ITSN1: variants seen among roughly 807,000 people sequenced by gnomAD.
ITSN1 encodes intersectin-1.
In ITSN1, 58 loss-of-function variants were observed where a neutral mutation model predicts 239.8. That is an observed-to-expected ratio of 0.24 (90% CI 0.20 to 0.30). The LOEUF (loss-of-function observed/expected upper bound fraction) is 0.30, where lower values mean the gene tolerates loss of function less well. Ranked by LOEUF, ITSN1 falls within the 10% of genes least tolerant of loss-of-function variation. The pLI, the probability that ITSN1 is intolerant of heterozygous loss-of-function variation, is 1.00. For missense variants in ITSN1, 1,558 were observed against 2,103.3 expected (o/e 0.74, Z 5.07); for synonymous variants, 780 against 770.8 (o/e 1.01, Z -0.20).
intron 1 of ITSN1, among the ~76,000 whole-genome samples, chr21:33,682,282 C>G (rs8130813): frequency 0.038 from 5,665 of 150,200 alleles, 362 homozygotes; most frequent in African/African-American, 0.13. Context: ...ATGGCGCAAT[C>G]TCAGCTCACC....
intron 4 of ITSN1, among the ~76,000 whole-genome samples, chr21:33,724,112 T>TG (rs1191559826): frequency 1.3e-5 from 2 of 151,904 alleles, no homozygotes; most frequent in African/African-American, 4.8e-5. Flanking sequence ...TGTGTGTGTG[T>TG]GTGTATTTGG....
intron 1 of ITSN1, among the ~76,000 whole-genome samples, chr21:33,655,633 A>G (rs542875533): frequency 2.0e-4 from 28 of 140,630 alleles, no homozygotes; most frequent in Non-Finnish European, 3.5e-4. Context: ...GGGTTTCGCC[A>G]TGTTGGCTAG....
intron 22 of ITSN1, chr21:33,818,008 T>C (rs2073403195): frequency 1.8e-5 from 9 of 493,392 alleles, no homozygotes; most frequent in Non-Finnish European, 2.8e-5. Flanking sequence ...ACCTCCTGGC[T>C]TTTTGAAATA....
At chr21:33,681,915 G>A (rs1057506723) in intron 1 of ITSN1, among the ~76,000 whole-genome samples, 5 of 151,676 alleles carry the variant, frequency 3.3e-5, no homozygotes, top group Non-Finnish European at 5.9e-5. Flanking sequence ...TGATCCACCC[G>A]TCTCGGCCTC....
intron 14 of ITSN1, among the ~76,000 whole-genome samples, chr21:33,780,880 G>C (rs577193155): frequency 6.6e-6 from 1 of 152,234 alleles, no homozygotes; most frequent in Non-Finnish European, 1.5e-5. Context: ...TCTTGTGTCA[G>C]TTAAAAAAAT....
rs1047942852 is a variant in ITSN1 at position 33,895,755 on chromosome 21, A to G, written c.*7455A>G. The G allele has an allele frequency of 3.3e-5, 5 of 152,398 alleles. No individual in the cohort carries two copies. The highest frequency in any genetic ancestry group is 9.6e-5 in the African/African-American group (4 of 41,550). 9.4% of individuals were successfully genotyped at this position (152,398 alleles called of 1,614,324 possible). ...CATGCGTGTGTACCTACCCACACCT[A>G]GGGGGATGCATGGCTCTGTGCCTTG... On this transcript the variant is annotated 3_prime_UTR_variant, in exon 40 of 40. Coordinates refer to ENST00000381318, the MANE Select transcript of ITSN1 (RefSeq NM_003024.3).
At position 33,751,898 on chromosome 21, in the gene ITSN1, T is replaced by A; in HGVS notation, c.615T>A (p.Asp205Glu). ...AATTACAAAAGGCACAGTCATTTGA[T>A]GTGGCCAGGTAAGTTTGCTTGTTTT... ...NTKLQKAQSFDVASVPPVAEW... is the reference protein window; with the variant it reads ...NTKLQKAQSFEVASVPPVAEW... The change falls in exon 7 of 40, where the codon GAT (aspartate) becomes GAA (glutamate). Residue 205 changes from aspartate (D) to glutamate (E), a missense_variant. By Grantham distance (45) the Asp-to-Glu change is conservative. Around this residue, in one of 2 missense-constraint regions of ITSN1, gnomAD observed 982 missense variants for 1,209.9 expected, o/e 0.81. Coordinates refer to ENST00000381318, the MANE Select transcript of ITSN1 (RefSeq NM_003024.3). 4 of 1,610,900 alleles carry A rather than the reference T, an allele frequency of 2.5e-6. No individual in the cohort carries two copies. Among genetic ancestry groups the A allele is most frequent in the Non-Finnish European group, 3.4e-6 (4 of 1,177,134 alleles).
At chr21:33,691,766 C>T (rs1047870451) in intron 1 of ITSN1, among the ~76,000 whole-genome samples, 1 of 152,188 alleles carries the variant, frequency 6.6e-6, no homozygotes, top group African/African-American at 2.4e-5. Context: ...AGTCACCTTC[C>T]TGCTGGCAGA....
At chr21:33,684,873 C>G (rs1315347385) in intron 1 of ITSN1, among the ~76,000 whole-genome samples, 2 of 152,130 alleles carry the variant, frequency 1.3e-5, no homozygotes, top group African/African-American at 4.8e-5. Context: ...CTTGTGAATT[C>G]TTTGTTAAGT....
At chr21:33,785,728 G>C (rs2070610575) in intron 16 of ITSN1, among the ~76,000 whole-genome samples, 1 of 152,108 alleles carries the variant, frequency 6.6e-6, no homozygotes, top group African/African-American at 2.4e-5. Context: ...CTGTTAAATG[G>C]CTCCATATTC....
At chr21:33,766,521 T>C (rs1346379973) in intron 10 of ITSN1, among the ~76,000 whole-genome samples, 2 of 152,222 alleles carry the variant, frequency 1.3e-5, no homozygotes, top group African/African-American at 4.8e-5. Context: ...TTTACATCCA[T>C]GCATGCATGC....
intron 16 of ITSN1, among the ~76,000 whole-genome samples, chr21:33,791,000 A>G (rs563399068): frequency 3.9e-5 from 6 of 152,362 alleles, no homozygotes; most frequent in African/African-American, 1.4e-4. Flanking sequence ...TGGGTATTCT[A>G]CAAGGACTTT....
intron 23 of ITSN1, 105 bp from the exon 24 acceptor site, chr21:33,819,136 G>C (rs1014463240): frequency 2.5e-6 from 2 of 796,822 alleles, no homozygotes; most frequent in Non-Finnish European, 4.1e-6. Flanking sequence ...GCTGTGGGTC[G>C]TTTAAAGTTT....
intron 29 of ITSN1, among the ~76,000 whole-genome samples, chr21:33,850,125 A>G (rs933986592): frequency 6.6e-6 from 1 of 152,238 alleles, no homozygotes; most frequent in Non-Finnish European, 1.5e-5. Flanking sequence ...GAGATGATTT[A>G]TCCCTGAGAA....
intron 4 of ITSN1, among the ~76,000 whole-genome samples, chr21:33,727,589 C>G (rs1191371828): frequency 1.5e-5 from 2 of 137,624 alleles, no homozygotes; most frequent in African/African-American, 5.6e-5. Context: ...CCAACAAGAT[C>G]AATTTGCTAA....
rs1404781115 is a variant in ITSN1 at position 33,837,526 on chromosome 21, T to TC, written c.3661+899dup. On this transcript the variant is annotated intron_variant, in intron 29 of 39. Coordinates refer to ENST00000381318, the MANE Select transcript of ITSN1 (RefSeq NM_003024.3). ...ACTAAATTGTGCAGTTTGGGGCTTT[T>TC]CCCCCTTACCATAGAAGTGCAGAGG... The TC allele has an allele frequency of 3.0e-6, 3 of 985,792 alleles. No homozygotes were observed. In the African/African-American group the frequency reaches 5.2e-5, roughly 17 times the overall value. 61.1% of individuals were successfully genotyped at this position (985,792 alleles called of 1,614,324 possible). A position where few individuals can be genotyped will look rare whatever the true frequency, so the allele number is the denominator to read the frequency against.
At chr21:33,688,801 CT>C (rs869186730) in intron 1 of ITSN1, among the ~76,000 whole-genome samples, 19 of 147,282 alleles carry the variant, frequency 1.3e-4, no homozygotes, top group East Asian at 3.9e-4. Flanking sequence ...TTCACTAGTC[CT>C]TTTTTTTTTC....
At chr21:33,782,746 C>T (rs1231811906) in intron 16 of ITSN1, among the ~76,000 whole-genome samples, 1 of 152,200 alleles carries the variant, frequency 6.6e-6, no homozygotes, top group Non-Finnish European at 1.5e-5. Flanking sequence ...TAATTCTTGG[C>T]CGGGCGTGGT....
At chr21:33,787,180 T>C (rs2070743278) in intron 16 of ITSN1, among the ~76,000 whole-genome samples, 1 of 152,204 alleles carries the variant, frequency 6.6e-6, no homozygotes, top group Non-Finnish European at 1.5e-5. Context: ...TATACTGTAG[T>C]CTTGTCTTTT....
Sources: allele counts gnomAD v4.1 joint callset (sites outside exome capture counted in the v4.1 genomes callset), GRCh38; gene constraint gnomAD v4.1.1; regional missense constraint gnomAD v4.1.1; transcripts MANE v1.5; gene names NCBI Gene and HGNC (gene_info 2026-07-23, HGNC 2026-07-21).